SCAP: variants seen among roughly 807,000 people sequenced by gnomAD.
SCAP encodes the protein sterol regulatory element-binding protein cleavage-activating protein.
Under a neutral mutation model 123.6 loss-of-function variants are expected in SCAP, and 65 were observed. The ratio of observed to expected loss-of-function variants is 0.53; its 90% CI spans 0.43 to 0.65. SCAP has a LOEUF of 0.65. Among genes scored for constraint, SCAP ranks in the 30% least tolerant of loss-of-function variants. The pLI, the probability that SCAP is intolerant of heterozygous loss-of-function variation, is 0.00. For missense variants in SCAP, 1,398 were observed against 1,712.5 expected, an observed-to-expected ratio of 0.82 and a Z score of 3.24; for synonymous variants, 740 against 726.3, an observed-to-expected ratio of 1.02 and a Z score of -0.30.
rs867828178 is a variant in SCAP at position 47,472,453 on chromosome 3, T to A, written c.-99+3346A>T. 9.6e-3 allele frequency among the ~76,000 whole-genome samples: 351 copies of A among 36,622 alleles called. 2 individuals carry two copies. Among genetic ancestry groups the A allele is most frequent in the South Asian group, 0.025 (14 of 562 alleles). 24.0% of individuals were successfully genotyped at this position (36,622 alleles called of 152,430 possible). ...GAGACTCCGTCTCAAAAAAAAAAAA[T>A]AAAATAAAATAATAATAATAATAAT... On this transcript the variant is annotated intron_variant, in intron 1 of 22. Coordinates refer to ENST00000265565, the MANE Select transcript of SCAP (RefSeq NM_012235.4).
chr3:47,471,689 T>C (rs1708028782), intron 1 of SCAP, among the ~76,000 whole-genome samples: 1 of 152,136 alleles, frequency 6.6e-6, no homozygotes, highest in Non-Finnish European at 1.5e-5. Flanking sequence ...GTATATTTTA[T>C]GCTTTCTGAA....
At chr3:47,424,955 TA>T (rs1462078677) in intron 8 of SCAP, among the ~76,000 whole-genome samples, 1 of 151,998 alleles carries the variant, frequency 6.6e-6, no homozygotes, top group Admixed American at 6.6e-5. Flanking sequence ...AAGGGGAAAG[TA>T]AACATCAGTG....
intron 10 of SCAP, 22 bp downstream of exon 10, chr3:47,422,420 G>C: frequency 6.2e-7 from 1 of 1,605,542 alleles, no homozygotes; most frequent in Non-Finnish European, 8.5e-7. Context: ...GCTCATCCAG[G>C]TGGCAGGCCT....
At chr3:47,440,209 T>C (rs1706741039) in intron 2 of SCAP, among the ~76,000 whole-genome samples, 1 of 152,204 alleles carries the variant, frequency 6.6e-6, no homozygotes, top group Non-Finnish European at 1.5e-5. Context: ...AAATGGAAAC[T>C]GAATGTCTAG....
intron 6 of SCAP, among the ~76,000 whole-genome samples, chr3:47,426,476 C>T (rs945021524): frequency 6.6e-6 from 1 of 152,090 alleles, no homozygotes; most frequent in African/African-American, 2.4e-5. Flanking sequence ...GTCTCGCTGT[C>T]GCCCAGGCTG....
chr3:47,421,044 CA>C lies in SCAP; in HGVS notation c.1246-16del. ...AGACAGAACTCCTGGAATCAGAGCA[CA>C]TGGGGATGGGGGGGTGCCGTGACCT... On this transcript the variant is annotated splice_polypyrimidine_tract_variant and intron_variant, in intron 10 of 22. Coordinates refer to ENST00000265565, the MANE Select transcript of SCAP (RefSeq NM_012235.4). 6.2e-7 allele frequency: 1 copy of C among 1,604,922 alleles called. No individual in the cohort carries two copies.
At chr3:47,472,494 C>A (rs1576323860) in intron 1 of SCAP, among the ~76,000 whole-genome samples, 1 of 149,652 alleles carries the variant, frequency 6.7e-6, no homozygotes, top group Non-Finnish European at 1.5e-5. Context: ...TTAAATGAAG[C>A]TGAAATAAAC....
intron 10 of SCAP, among the ~76,000 whole-genome samples, chr3:47,421,915 G>A (rs1705917861): frequency 6.6e-6 from 1 of 152,286 alleles, no homozygotes; most frequent in Non-Finnish European, 1.5e-5. Flanking sequence ...GCTGAGTGAG[G>A]GCACTTTGCC....
chr3:47,431,861 C>T (rs1706371757), intron 3 of SCAP, among the ~76,000 whole-genome samples: 1 of 152,188 alleles, frequency 6.6e-6, no homozygotes, highest in Admixed American at 6.5e-5. Flanking sequence ...ATAGTCCACA[C>T]TTTAGGATAC....
intron 1 of SCAP, among the ~76,000 whole-genome samples, chr3:47,460,300 A>G (rs1707583351): frequency 6.6e-6 from 1 of 152,256 alleles, no homozygotes; most frequent in African/African-American, 2.4e-5. Flanking sequence ...AGACAAGCAT[A>G]AGAAATTATA....
chr3:47,425,464 TG>T lies in SCAP; in HGVS notation c.1037+20del. The stretch of plus-strand genomic sequence containing the variant: ...GGCCTGAGCCCACCCTGTGGCCCAG[TG>T]GAGCCTGCTAGGGACCTACCCGCCA... On this transcript the variant is annotated intron_variant, in intron 8 of 22. Coordinates refer to ENST00000265565, the MANE Select transcript of SCAP (RefSeq NM_012235.4). 1 of 1,611,344 alleles carries T rather than the reference TG, an allele frequency of 6.2e-7. No individual in the cohort carries two copies. The highest frequency in any genetic ancestry group is 1.3e-5 in the African/African-American group (1 of 75,060).
intron 4 of SCAP, 69 bp downstream of exon 4, chr3:47,428,444 C>G: frequency 2.7e-6 from 4 of 1,495,374 alleles, no homozygotes; most frequent in Non-Finnish European, 3.7e-6. Context: ...TGCAGTTACA[C>G]TGAGGACTGT....
chr3:47,473,195 G>A (rs1053057634), intron 1 of SCAP, among the ~76,000 whole-genome samples: 3 of 151,042 alleles, frequency 2.0e-5, no homozygotes, highest in African/African-American at 7.3e-5. Flanking sequence ...TCTCAAATTC[G>A]CTAGGTGACC....
Position 47,414,886 on chromosome 3 carries a change from T to C in SCAP, c.3247A>G (p.Thr1083Ala), listed in dbSNP as rs1397452287. The change falls in exon 20 of 23, where the codon ACA (threonine) becomes GCA (alanine). Residue 1083 changes from threonine (T) to alanine (A), a missense_variant. Transcript: ENST00000265565. ...CGCCCAGCAGCGGCTTTCAGGGCTG[T>C]GATGGGTTTTTGGTGTGCACAGGGC... is the stretch of plus-strand genomic sequence containing the variant. The part of the protein sequence containing the change: ...TVPCAHQKPI[T>A]ALKAAAGRLV... 1.2e-6 allele frequency: 2 copies of C among 1,612,622 alleles called. No homozygotes were observed. Among genetic ancestry groups the C allele is most frequent in the Non-Finnish European group, 1.7e-6 (2 of 1,179,804 alleles).
chr3:47,437,361 C>G lies in SCAP; in HGVS notation c.123-2224G>C, dbSNP rs182460814. ...GGCTGAGGCAGGAAAATCACTTGAA[C>G]CGGTGAGCTGAGATGGCGCCACTGC... On this transcript the variant is annotated intron_variant, in intron 2 of 22. Coordinates refer to ENST00000265565, the MANE Select transcript of SCAP (RefSeq NM_012235.4). Among the ~76,000 whole-genome samples the G allele has an allele frequency of 1.9e-4, 28 of 147,234 alleles. No individual in the cohort carries two copies. The East Asian group carries it at 5.0e-3, about 26-fold the overall frequency.
At chr3:47,472,871 G>T (rs1233892544) in intron 1 of SCAP, among the ~76,000 whole-genome samples, 1 of 151,858 alleles carries the variant, frequency 6.6e-6, no homozygotes, top group African/African-American at 2.4e-5. Context: ...ACCTGAGATC[G>T]GGAGTCTGAG....
intron 2 of SCAP, among the ~76,000 whole-genome samples, chr3:47,438,903 A>G (rs981346756): frequency 6.6e-6 from 1 of 152,030 alleles, no homozygotes; most frequent in Admixed American, 6.6e-5. Context: ...CTATGTTTAG[A>G]CTATACATGT....
chr3:47,425,721 T>G lies in SCAP; in HGVS notation c.911-110A>C. The G allele has an allele frequency of 3.2e-6, 4 of 1,248,272 alleles. No homozygotes were observed. The South Asian group carries it at 5.5e-5, about 17-fold the overall frequency. The allele number at this position is 1,248,272 out of a possible 1,614,324, so 77.3% of individuals were successfully genotyped here. A position where few individuals can be genotyped will look rare whatever the true frequency, so the allele number is the denominator to read the frequency against. ...GTCGAGGAAGGGAAAACTCCTGGTT[T>G]CACCAAAGGAAAGGGACAGGCACAA... On this transcript the variant is annotated intron_variant, in intron 7 of 22. Coordinates refer to ENST00000265565, the MANE Select transcript of SCAP (RefSeq NM_012235.4).
At position 47,417,747 on chromosome 3, in the gene SCAP, C is replaced by T; in HGVS notation, c.2527G>A (p.Ala843Thr). 6.2e-7 allele frequency: 1 copy of T among 1,607,262 alleles called. No homozygotes were observed. Among genetic ancestry groups the T allele is most frequent in the Non-Finnish European group, 8.5e-7 (1 of 1,178,442 alleles). ...CTGTCCCCAGGCTCCTCTGGACCAG[C>T]CTTCCCACCATCTGAAAGTCGTTCC... ...SWERLSDGGK[A>T]GPEEPGDSPP... The change falls in exon 17 of 23, where the codon GCT becomes ACT. Residue 843 changes from alanine to threonine, a missense_variant. Ala to Thr is a moderately conservative substitution (Grantham distance 58). Coordinates refer to ENST00000265565, the MANE Select transcript of SCAP (RefSeq NM_012235.4).
Sources: allele counts gnomAD v4.1 joint callset (sites outside exome capture counted in the v4.1 genomes callset), GRCh38; gene constraint gnomAD v4.1.1; transcripts MANE v1.5; gene names NCBI Gene and HGNC (gene_info 2026-07-23, HGNC 2026-07-21).